The following TASOR variants were observed in gnomAD, a reference collection of about 807,000 sequenced individuals.
TASOR encodes transcription activation suppressor.
In TASOR, 53 loss-of-function variants were observed where a neutral mutation model predicts 178.6. That is an observed-to-expected ratio of 0.30 (90% CI 0.24 to 0.37). The LOEUF (loss-of-function observed/expected upper bound fraction) is 0.37, where lower values mean the gene tolerates loss of function less well. Among genes scored for constraint, TASOR ranks in the 10% least tolerant of loss-of-function variants. The pLI is 1.00. For synonymous variants in TASOR, 713 were observed against 696.2 expected, an observed-to-expected ratio of 1.02 and a Z score of -0.38; for missense variants, 1,815 against 1,971.4, an observed-to-expected ratio of 0.92 and a Z score of 1.50.
In TASOR at chr3:56,621,512, A is replaced by C; in HGVS notation, c.*1525T>G. ...AGGTGTGCACATTTTACTAACAAAC[A>C]TATATCAATGTGATTTCAGGGCCTT... On this transcript the variant is annotated 3_prime_UTR_variant, in exon 24 of 24. Transcript: ENST00000683822. 1.3e-6 allele frequency: 2 copies of C among 1,519,822 alleles called. No homozygotes were observed. Among genetic ancestry groups the C allele is most frequent in the Non-Finnish European group, 1.8e-6 (2 of 1,113,506 alleles). 94.1% of individuals were successfully genotyped at this position (1,519,822 alleles called of 1,614,324 possible). A position where few individuals can be genotyped will look rare whatever the true frequency, so the allele number is the denominator to read the frequency against.
At chr3:56,637,173 G>C (rs1559822938) in intron 17 of TASOR, among the ~76,000 whole-genome samples, 1 of 152,206 alleles carries the variant, frequency 6.6e-6, no homozygotes, top group African/African-American at 2.4e-5. Context: ...GTACTAACTA[G>C]GAGAATGTGG....
rs1185314075 is a variant in TASOR, at chr3:56,641,652, A to C, written c.2316T>G (p.Phe772Leu). ...NSGIADIHRL[F>L]NWLSETLANA... ...TTGCTAGTGTTTCTGATAACCAATT[A>C]AACAGCCTATGGATGTCAGCAATGC... The change falls in exon 15 of 24, where the codon TTT (phenylalanine) becomes TTG (leucine). Residue 772 changes from phenylalanine to leucine, a missense_variant. Coordinates refer to ENST00000683822, the MANE Select transcript of TASOR (RefSeq NM_001365635.2). 3 of 1,614,188 alleles carry C rather than the reference A, an allele frequency of 1.9e-6. No homozygotes were observed. The East Asian group carries it at 6.7e-5, about 36-fold the overall frequency.
chr3:56,641,220 G>A lies in TASOR; in HGVS notation c.2619+129C>T, dbSNP rs1321328373. The A allele has an allele frequency of 2.2e-5, 18 of 807,552 alleles. No individual in the cohort carries two copies. In the South Asian group the frequency reaches 3.3e-4, roughly 15 times the overall value. The allele number at this position is 807,552 out of a possible 1,614,324, so 50.0% of individuals were successfully genotyped here. A position where few individuals can be genotyped will look rare whatever the true frequency, so the allele number is the denominator to read the frequency against. Reference sequence around the variant, plus strand: ...AACTTAGGAAGTACCATCCTAGACAGGCACCTTTACTCAAAAGTGCATTTT... The same window carrying A: ...AACTTAGGAAGTACCATCCTAGACAAGCACCTTTACTCAAAAGTGCATTTT... On this transcript the variant is annotated intron_variant, in intron 15 of 23. Transcript: ENST00000683822.
In TASOR at chr3:56,633,074, T is replaced by C; in HGVS notation, c.3717A>G (p.Glu1239=). 6.2e-7 allele frequency: 1 copy of C among 1,604,730 alleles called. No homozygotes were observed. Among genetic ancestry groups the C allele is most frequent in the Non-Finnish European group, 8.5e-7 (1 of 1,176,916 alleles). Reference sequence around the variant, plus strand: ...TTTCTTTACAGAGCACACTCTCTTCTTCTTCATGAATATAAAATTTCACAG... The same window carrying C: ...TTTCTTTACAGAGCACACTCTCTTCCTCTTCATGAATATAAAATTTCACAG... The part of the protein sequence containing the change: ...KNTVKFYIHE[E]EESVLCKEIK... The change falls in exon 18 of 24, where the codon GAA becomes GAG. Residue 1239 remains glutamate, a synonymous_variant. Coordinates refer to ENST00000683822, the MANE Select transcript of TASOR (RefSeq NM_001365635.2).
intron 11 of TASOR, among the ~76,000 whole-genome samples, chr3:56,657,315 A>C (rs1203539574): frequency 6.7e-6 from 1 of 150,074 alleles, no homozygotes; most frequent in Admixed American, 6.7e-5. Context: ...CAACAGAGCA[A>C]GGCTCTGTCT....
In TASOR at chr3:56,625,026, A is replaced by G. The variant is rs757732354; in HGVS notation, c.4140-20T>C. ...TTCAATCTGTGAAATTAAGCAGTTC[A>G]GTTTCTGGATCTGTACTTCTAAAAT... On this transcript the variant is annotated intron_variant, in intron 21 of 23. Coordinates refer to ENST00000683822, the MANE Select transcript of TASOR (RefSeq NM_001365635.2). 1 of 1,607,520 alleles carries G rather than the reference A, an allele frequency of 6.2e-7. No individual in the cohort carries two copies. Among genetic ancestry groups the G allele is most frequent in the South Asian group, 1.1e-5 (1 of 90,138 alleles).
In TASOR at chr3:56,641,549, C is replaced by T; in HGVS notation, c.2419G>A (p.Glu807Lys). The T allele has an allele frequency of 6.2e-7, 1 of 1,614,168 alleles. No homozygotes were observed. Among genetic ancestry groups the T allele is most frequent in the Non-Finnish European group, 8.5e-7 (1 of 1,180,016 alleles). ...LGLSTDDAYEELRQKHEYELN... is the reference protein window; with the variant it reads ...LGLSTDDAYEKLRQKHEYELN... ...TCATACTCATGTTTTTGCCTCAGCT[C>T]TTCATAGGCATCATCAGTGCTCAAT... The change falls in exon 15 of 24, where the codon GAG becomes AAG. Residue 807 changes from glutamate (E) to lysine (K), a missense_variant. By Grantham distance (56) the Glu-to-Lys change is moderately conservative. Around this residue, in one of 5 missense-constraint regions of TASOR, gnomAD observed 655 missense variants for 671.1 expected, o/e 0.98. Transcript: ENST00000683822.
At chr3:56,640,158 CTTTA>C (rs1405584117) in intron 15 of TASOR, 28 bp from the exon 16 acceptor site, 1 of 1,596,886 alleles carries the variant, frequency 6.3e-7, no homozygotes, top group East Asian at 2.2e-5. Flanking sequence ...CACTGAATAG[CTTTA>C]TTTCCAATTC....
chr3:56,632,597 TACTTGG>T (rs1160294986), intron 18 of TASOR, among the ~76,000 whole-genome samples: 1 of 152,232 alleles, frequency 6.6e-6, no homozygotes, highest in African/African-American at 2.4e-5. Context: ...GTTCTGAATT[TACTTGG>T]ACTTACCACT....
chr3:56,644,961 C>T (rs1233988446), intron 14 of TASOR, among the ~76,000 whole-genome samples: 1 of 152,016 alleles, frequency 6.6e-6, no homozygotes. Context: ...ACATTGAATA[C>T]CATAACAATA....
intron 13 of TASOR, among the ~76,000 whole-genome samples, chr3:56,648,571 C>T (rs2107582596): frequency 7.3e-6 from 1 of 137,746 alleles, no homozygotes; most frequent in East Asian, 2.2e-4. Context: ...GTGGAGGTCG[C>T]AGTGAGCTGA....
chr3:56,672,868 C>G (rs1190253652), intron 2 of TASOR, among the ~76,000 whole-genome samples: 1 of 152,152 alleles, frequency 6.6e-6, no homozygotes, highest in Non-Finnish European at 1.5e-5. Flanking sequence ...GTTCTATCAC[C>G]CAGGCTTGAG....
chr3:56,653,262 C>CAAAA (rs1176419181), intron 11 of TASOR, among the ~76,000 whole-genome samples: 17 of 4,956 alleles, frequency 3.4e-3, no homozygotes, highest in East Asian at 9.3e-3. Context: ...GACTCCATCT[C>CAAAA]AAAAAAAAAA....
Position 56,621,159 on chromosome 3 carries a change from C to CAAAAA in TASOR, c.*1873_*1877dup, listed in dbSNP as rs370427287. Reference sequence around the variant, plus strand: ...GGGCGACAGAGCGAGACTCCATCTCCAAAAAAAAACAAAACAACAACAACA... The same window carrying CAAAAA: ...GGGCGACAGAGCGAGACTCCATCTCCAAAAAAAAAAAAAACAAAACAACAACAACA... On this transcript the variant is annotated 3_prime_UTR_variant, in exon 24 of 24. Transcript: ENST00000683822. The CAAAAA allele has an allele frequency of 0.049, 6,977 of 142,406 alleles. 244 individuals are homozygous for CAAAAA. The highest frequency in any genetic ancestry group is 0.16 in the South Asian group (702 of 4,366). 8.8% of individuals were successfully genotyped at this position (142,406 alleles called of 1,614,324 possible).
chr3:56,662,903 G>C (rs1398750221), intron 8 of TASOR, among the ~76,000 whole-genome samples: 1 of 152,178 alleles, frequency 6.6e-6, no homozygotes, highest in Non-Finnish European at 1.5e-5. Context: ...AATAGGCTGG[G>C]CATGGTGGCT....
intron 17 of TASOR, among the ~76,000 whole-genome samples, chr3:56,637,960 A>G (rs754235583): frequency 2.0e-5 from 3 of 152,218 alleles, no homozygotes; most frequent in Non-Finnish European, 4.4e-5. Flanking sequence ...AATCTTATTT[A>G]ATCTACCTGC....
chr3:56,675,843 A>G (rs1417651079), intron 1 of TASOR, among the ~76,000 whole-genome samples: 2 of 152,214 alleles, frequency 1.3e-5, no homozygotes, highest in Non-Finnish European at 2.9e-5. Context: ...ATTAGACTTT[A>G]AAAGACATGT....
rs1332953812 is a variant in TASOR, at chr3:56,662,461, G to C, written c.1084C>G (p.Gln362Glu). The C allele has an allele frequency of 1.9e-6, 3 of 1,539,366 alleles. No homozygotes were observed. Among genetic ancestry groups the C allele is most frequent in the Admixed American group, 2.0e-5 (1 of 50,284 alleles). Residue 362 changes from glutamine (Q) to glutamate (E), a missense_variant, in exon 9 of 24, where the codon CAG becomes GAG. Physicochemically the swap from Gln to Glu is conservative, Grantham distance 29 (BLOSUM62 2). Transcript: ENST00000683822. ...AAAAGTTTTCCTTTATTTAAAAGCT[G>C]TCCTTTCCACAAGGTATAGTTATAT... ...DKYNYTLWKG[Q>E]LLNKGKLLCY...
rs1204017073 is a variant in TASOR, at chr3:56,682,782, C to T, written c.225G>A (p.Gln75=). The T allele has an allele frequency of 1.9e-6, 3 of 1,550,416 alleles. No homozygotes were observed. The highest frequency in any genetic ancestry group is 1.2e-5 in the South Asian group (1 of 83,978). Residue 75 remains glutamine, a synonymous_variant, in exon 1 of 24, where the codon CAG becomes CAA. Transcript: ENST00000683822. ...AAQSLSHEQP[Q]DSSEAGAAAL... ...CGGCCGCGCCCGCCTCAGAGGAGTC[C>T]TGAGGCTGCTCGTGGCTGAGGCTCT...
Sources: gnomAD v4.1 joint callset for allele counts (sites outside exome capture counted in the v4.1 genomes callset) on GRCh38, gnomAD v4.1.1 for gene constraint, gnomAD v4.1.1 regional missense constraint, MANE v1.5 for transcripts, NCBI Gene and HGNC (gene_info 2026-07-23, HGNC 2026-07-21) for gene names.